TAFA1: variants seen among roughly 807,000 people sequenced by gnomAD.
The protein encoded by TAFA1 is chemokine-like protein TAFA-1.
A neutral mutation model predicts 18.5 loss-of-function variants in TAFA1; 4 were observed. The observed-to-expected ratio is 0.22, with a 90% confidence interval of 0.11 to 0.49. TAFA1 has a LOEUF of 0.49. Ranked by LOEUF, TAFA1 falls within the 20% of genes least tolerant of loss-of-function variation. The pLI, the probability that TAFA1 is intolerant of heterozygous loss-of-function variation, is 0.98. For synonymous variants in TAFA1, 56 were observed against 55.2 expected (o/e 1.01, Z -0.06); for missense variants, 147 against 169.0 (o/e 0.87, Z 0.72).
At chr3:68,441,626 G>A (rs889165214) in intron 3 of TAFA1, among the ~76,000 whole-genome samples, 16 of 152,152 alleles carry the variant, frequency 1.1e-4, no homozygotes, top group African/African-American at 2.7e-4. Flanking sequence ...ATACATGATC[G>A]GGCTCGAGAA....
At chr3:68,462,275 A>G (rs1156371771) in intron 3 of TAFA1, among the ~76,000 whole-genome samples, 5 of 152,142 alleles carry the variant, frequency 3.3e-5, no homozygotes, top group African/African-American at 1.2e-4. Flanking sequence ...TGTAGCTCCC[A>G]TAATTCCTAC....
intron 2 of TAFA1, among the ~76,000 whole-genome samples, chr3:68,294,499 T>C (rs889757707): frequency 6.6e-6 from 1 of 152,230 alleles, no homozygotes; most frequent in African/African-American, 2.4e-5. Flanking sequence ...AAAAGTAAAA[T>C]GCAGTTCTGC....
chr3:68,113,212 G>T (rs1288594334), intron 2 of TAFA1, among the ~76,000 whole-genome samples: 2 of 152,268 alleles, frequency 1.3e-5, no homozygotes, highest in East Asian at 3.9e-4. Context: ...GTTATTGTGA[G>T]GATAGGCAAA....
intron 2 of TAFA1, among the ~76,000 whole-genome samples, chr3:68,359,122 T>C (rs2069422181): frequency 6.6e-6 from 1 of 152,056 alleles, no homozygotes; most frequent in Non-Finnish European, 1.5e-5. Context: ...TATGCTACCC[T>C]TCTCCATGGA....
At chr3:68,297,516 G>T (rs5011780) in intron 2 of TAFA1, among the ~76,000 whole-genome samples, 100,055 of 152,036 alleles carry the variant, frequency 0.66, 33,843 homozygotes, top group East Asian at 0.9. Context: ...CATAGCCATC[G>T]TTATCTTTTA....
At chr3:68,523,505 A>T (rs1386840864) in intron 3 of TAFA1, among the ~76,000 whole-genome samples, 7 of 152,202 alleles carry the variant, frequency 4.6e-5, no homozygotes, top group Non-Finnish European at 1.0e-4. Flanking sequence ...TGAGTAGTCA[A>T]TGATCAAGAA....
chr3:68,306,910 T>C (rs983747327), intron 2 of TAFA1, among the ~76,000 whole-genome samples: 3 of 152,194 alleles, frequency 2.0e-5, no homozygotes, highest in Non-Finnish European at 4.4e-5. Flanking sequence ...ATACCTACAT[T>C]TCTTTTCTAT....
intron 2 of TAFA1, among the ~76,000 whole-genome samples, chr3:68,043,196 A>T (rs955822124): frequency 3.9e-5 from 6 of 152,256 alleles, no homozygotes; most frequent in African/African-American, 1.4e-4. Context: ...CTGAGTTTGT[A>T]TGTTAACAGA....
intron 2 of TAFA1, among the ~76,000 whole-genome samples, chr3:68,269,244 G>A (rs148352948): frequency 1.1e-4 from 17 of 151,944 alleles, no homozygotes; most frequent in South Asian, 8.3e-4. Context: ...GCTTGAGGCC[G>A]GGAGTTTGAG....
intron 2 of TAFA1, among the ~76,000 whole-genome samples, chr3:68,340,683 G>A (rs185583905): frequency 8.3e-4 from 127 of 152,176 alleles, no homozygotes; most frequent in African/African-American, 3.0e-3. Context: ...TTAGATTCTT[G>A]GAGGGATTTC....
At chr3:68,294,502 A>G (rs1282213307) in intron 2 of TAFA1, among the ~76,000 whole-genome samples, 2 of 152,222 alleles carry the variant, frequency 1.3e-5, no homozygotes, top group Non-Finnish European at 2.9e-5. Flanking sequence ...AGTAAAATGC[A>G]GTTCTGCCAA....
chr3:68,259,971 T>C (rs1426568451), intron 2 of TAFA1, among the ~76,000 whole-genome samples: 1 of 152,008 alleles, frequency 6.6e-6, no homozygotes, highest in Non-Finnish European at 1.5e-5. Context: ...CTTCCAACAC[T>C]ATGTTGAATA....
At chr3:68,475,404 GT>G in intron 3 of TAFA1, among the ~76,000 whole-genome samples, 1 of 150,910 alleles carries the variant, frequency 6.6e-6, no homozygotes, top group African/African-American at 2.4e-5. Flanking sequence ...GTGAGAACAT[GT>G]CGTGTTTGGT....
intron 2 of TAFA1, among the ~76,000 whole-genome samples, chr3:68,063,145 T>C (rs892826411): frequency 5.3e-5 from 8 of 152,240 alleles, no homozygotes; most frequent in African/African-American, 1.9e-4. Flanking sequence ...GGTTTTTATT[T>C]GCAAGTTAGA....
intron 2 of TAFA1, among the ~76,000 whole-genome samples, chr3:68,338,658 T>C (rs934186892): frequency 2.6e-5 from 4 of 152,204 alleles, no homozygotes; most frequent in Non-Finnish European, 4.4e-5. Flanking sequence ...GATTCAAAAC[T>C]TTGCTTTCTT....
intron 2 of TAFA1, among the ~76,000 whole-genome samples, chr3:68,113,720 A>G (rs1415053651): frequency 5.9e-5 from 9 of 152,006 alleles, no homozygotes; most frequent in Non-Finnish European, 5.9e-5. Flanking sequence ...AAGTCAATAG[A>G]AAAGTGGTTT....
At chr3:68,291,616 A>C in intron 2 of TAFA1, among the ~76,000 whole-genome samples, 1 of 151,898 alleles carries the variant, frequency 6.6e-6, no homozygotes, top group Admixed American at 6.6e-5. Context: ...TGTATAAAAA[A>C]GGGAGCGAAG....
At chr3:68,321,640 T>A (rs765179421) in intron 2 of TAFA1, among the ~76,000 whole-genome samples, 2 of 152,180 alleles carry the variant, frequency 1.3e-5, no homozygotes, top group Non-Finnish European at 2.9e-5. Flanking sequence ...AGTATTTGGC[T>A]AACAGGAAGC....
At chr3:68,276,923 CTT>C (rs1202679723) in intron 2 of TAFA1, among the ~76,000 whole-genome samples, 1 of 151,996 alleles carries the variant, frequency 6.6e-6, no homozygotes, top group East Asian at 1.9e-4. Context: ...TTAAAAATAA[CTT>C]TTTTCTGATT....
Sources: gnomAD v4.1 joint callset for allele counts (sites outside exome capture counted in the v4.1 genomes callset) on GRCh38, gnomAD v4.1.1 for gene constraint, MANE v1.5 for transcripts, NCBI Gene and HGNC (gene_info 2026-07-23, HGNC 2026-07-21) for gene names.